Variants in MSANTD2 observed in about 807,000 individuals in gnomAD.
The protein encoded by MSANTD2 is myb/SANT-like DNA-binding domain-containing protein 2.
In MSANTD2, 19 loss-of-function variants were observed where a neutral mutation model predicts 52.6. The ratio of observed to expected loss-of-function variants is 0.36; its 90% CI spans 0.25 to 0.53. The LOEUF is 0.53. Among genes scored for constraint, MSANTD2 ranks in the 20% least tolerant of loss-of-function variants. The pLI is 0.91. For synonymous variants in MSANTD2, 291 were observed against 289.7 expected, an observed-to-expected ratio of 1.00 and a Z score of -0.04; for missense variants, 558 against 716.3, an observed-to-expected ratio of 0.78 and a Z score of 2.52.
chr11:124,798,321 G>A (rs1282703962), intron 1 of MSANTD2, among the ~76,000 whole-genome samples: 2 of 151,082 alleles, frequency 1.3e-5, no homozygotes, highest in Non-Finnish European at 2.9e-5. Flanking sequence ...AGGATTGTTT[G>A]AGCCCAGGAG....
At chr11:124,790,119 C>T (rs1396014779) in intron 1 of MSANTD2, 1 of 152,200 alleles carries the variant, frequency 6.6e-6, no homozygotes, top group Non-Finnish European at 1.5e-5. Flanking sequence ...ACTAGGAGCA[C>T]AAATCTAGGT....
chr11:124,784,643 G>A (rs1017387699), intron 1 of MSANTD2: 16 of 984,546 alleles, frequency 1.6e-5, no homozygotes, highest in African/African-American at 1.2e-4. Context: ...TATTCCTTTC[G>A]TCTGTTGACC....
In MSANTD2 at chr11:124,767,566, A is replaced by G. The variant is rs373756288; in HGVS notation, c.1290T>C (p.Cys430=). Residue 430 remains cysteine, a synonymous_variant, in exon 4 of 4, where the codon TGT becomes TGC. Coordinates refer to ENST00000374979, the MANE Select transcript of MSANTD2 (RefSeq NM_001308027.2). This position sits in a 1 kb window ranked among gnomAD's most constrained non-coding sequence, Gnocchi z 6.5. ...TGTGTGGTGAGAGGGGCCTCTCAAT[A>G]CATTCTTCATAGCCAATGGCATAAA... ...PGLYAIGYEE[C]IERPLSPHME... is the part of the protein sequence containing the mutation. The G allele has an allele frequency of 1.9e-6, 3 of 1,614,014 alleles. No individual in the cohort carries two copies. The African/African-American group carries it at 4.0e-5, about 22-fold the overall frequency.
chr11:124,795,493 G>A (rs1247066027), intron 1 of MSANTD2, among the ~76,000 whole-genome samples: 1 of 152,136 alleles, frequency 6.6e-6, no homozygotes, highest in African/African-American at 2.4e-5. Flanking sequence ...TATGGCCAGC[G>A]ATGAGACTGG....
chr11:124,772,193 G>A (rs1447571012), intron 3 of MSANTD2, among the ~76,000 whole-genome samples: 2 of 152,264 alleles, frequency 1.3e-5, no homozygotes, highest in Non-Finnish European at 2.9e-5. Flanking sequence ...GGTCATCTAA[G>A]AGCTTTCTTT....
chr11:124,767,075 G>T lies in MSANTD2; in HGVS notation c.*101C>A. On this transcript the variant is annotated 3_prime_UTR_variant, in exon 4 of 4. Transcript: ENST00000374979. The surrounding 1 kb of genome is among the most constrained non-coding windows in gnomAD (Gnocchi z 6.5). ...GCCCAATTGAAGAAAGGGTTTCCATGAAGAGTCTGACGGCGGCATCTGGAT... is the reference window on the plus strand; with the variant it reads ...GCCCAATTGAAGAAAGGGTTTCCATTAAGAGTCTGACGGCGGCATCTGGAT... 8.3e-7 allele frequency: 1 copy of T among 1,200,112 alleles called. No homozygotes were observed. The highest frequency in any genetic ancestry group is 1.2e-6 in the Non-Finnish European group (1 of 852,644). 74.3% of individuals were successfully genotyped at this position (1,200,112 alleles called of 1,614,324 possible). A position where few individuals can be genotyped will look rare whatever the true frequency, so the allele number is the denominator to read the frequency against.
intron 1 of MSANTD2, among the ~76,000 whole-genome samples, chr11:124,785,310 T>C (rs1047547600): frequency 1.3e-5 from 2 of 152,218 alleles, no homozygotes; most frequent in African/African-American, 4.8e-5. Context: ...TACATGATCA[T>C]TCCTACTTAA....
intron 1 of MSANTD2, chr11:124,775,473 G>A (rs1034562270): frequency 1.3e-5 from 2 of 154,176 alleles, no homozygotes; most frequent in African/African-American, 4.8e-5. Flanking sequence ...AAAAATAATT[G>A]CCTAGACAAA....
rs184184304 is a variant in MSANTD2, at chr11:124,779,652, T to C, written c.511-4678A>G. Among the ~76,000 whole-genome samples the C allele has an allele frequency of 3.9e-5, 6 of 152,312 alleles. No homozygotes were observed. Among genetic ancestry groups the C allele is most frequent in the East Asian group, 3.9e-4 (2 of 5,180 alleles). On this transcript the variant is annotated intron_variant, in intron 1 of 3. Transcript: ENST00000374979. The surrounding 1 kb of genome is among the most constrained non-coding windows in gnomAD (Gnocchi z 4.6). ...TGCAAGGAGGACAGCTTAGTTATAATAGCAGGAAACAATGTTACAAGAAAA... is the reference window on the plus strand; with the variant it reads ...TGCAAGGAGGACAGCTTAGTTATAACAGCAGGAAACAATGTTACAAGAAAA...
rs915113949 is a variant in MSANTD2, at chr11:124,779,859, C to T, written c.511-4885G>A. 2.0e-5 allele frequency among the ~76,000 whole-genome samples: 3 copies of T among 152,096 alleles called. No homozygotes were observed. Among genetic ancestry groups the T allele is most frequent in the Non-Finnish European group, 4.4e-5 (3 of 68,016 alleles). ...CTTAAAAATCACATATTGTGCTCCA[C>T]GAGAGATGAAGAAATTACATTGGGA... On this transcript the variant is annotated intron_variant, in intron 1 of 3. Coordinates refer to ENST00000374979, the MANE Select transcript of MSANTD2 (RefSeq NM_001308027.2). The surrounding 1 kb of genome is among the most constrained non-coding windows in gnomAD (Gnocchi z 4.6).
chr11:124,785,273 G>A (rs1173122896), intron 1 of MSANTD2, among the ~76,000 whole-genome samples: 2 of 152,218 alleles, frequency 1.3e-5, no homozygotes, highest in African/African-American at 4.8e-5. Context: ...AGTGCCAACT[G>A]AGTGCTGAGA....
In MSANTD2 at chr11:124,800,139, G is replaced by A. The variant is rs752806139; in HGVS notation, c.242C>T (p.Ser81Phe). 9.5e-5 allele frequency: 141 copies of A among 1,479,528 alleles called. No individual in the cohort carries two copies. The highest frequency in any genetic ancestry group is 1.2e-4 in the Non-Finnish European group (134 of 1,123,758). 91.7% of individuals were successfully genotyped at this position (1,479,528 alleles called of 1,614,324 possible). Residue 81 changes from serine to phenylalanine, a missense_variant, in exon 1 of 4, where the codon TCC (serine) becomes TTC (phenylalanine). Coordinates refer to ENST00000374979, the MANE Select transcript of MSANTD2 (RefSeq NM_001308027.2). The surrounding 1 kb of genome is among the most constrained non-coding windows in gnomAD (Gnocchi z 4.3). ...GCCACCGCCGCCACCAGGGGAGAAG[G>A]AGACCGAGGACGAGGCGGCGCTGCG... ...GGRSAASSSVSFSPGGGGGGA... is the reference protein window; with the variant it reads ...GGRSAASSSVFFSPGGGGGGA...
intron 1 of MSANTD2, among the ~76,000 whole-genome samples, chr11:124,785,125 A>G (rs1945116119): frequency 6.6e-6 from 1 of 152,222 alleles, no homozygotes; most frequent in Non-Finnish European, 1.5e-5. Context: ...TTTATATTCT[A>G]TTCTTAGCTT....
chr11:124,788,839 A>C (rs1279939850), intron 1 of MSANTD2, among the ~76,000 whole-genome samples: 1 of 152,246 alleles, frequency 6.6e-6, no homozygotes, highest in Non-Finnish European at 1.5e-5. Flanking sequence ...ATAGCAAATG[A>C]ATTTCTTTCA....
chr11:124,769,672 C>T (rs949777149), intron 3 of MSANTD2, among the ~76,000 whole-genome samples: 10 of 152,152 alleles, frequency 6.6e-5, no homozygotes, highest in African/African-American at 1.9e-4. Context: ...ACTTGAGAAA[C>T]GTGTGTTGAA....
chr11:124,789,291 C>T (rs1945259261), intron 1 of MSANTD2: 1 of 151,988 alleles, frequency 6.6e-6, no homozygotes, highest in Non-Finnish European at 1.5e-5. Flanking sequence ...CAATTACAAA[C>T]ATAATTGGTT....
intron 1 of MSANTD2, chr11:124,791,211 G>A: frequency 1.6e-6 from 2 of 1,281,738 alleles, no homozygotes; most frequent in Non-Finnish European, 2.3e-6. Flanking sequence ...GGGACATTTG[G>A]AGAATGCCAT....
rs534171680 is a variant in MSANTD2, at chr11:124,774,743, C to T, written c.742G>A (p.Gly248Ser). 12 of 1,614,014 alleles carry T rather than the reference C, an allele frequency of 7.4e-6. No homozygotes were observed. Among genetic ancestry groups the T allele is most frequent in the Non-Finnish European group, 1.0e-5 (12 of 1,180,024 alleles). ...DWGNHSQDLH[G>S]YPTDQELDEI... ...CCCAATTCCTGATCTGTTGGATAGCCATGGAGATCCTGACTGTGGTTTCCC... is the reference window on the plus strand; with the variant it reads ...CCCAATTCCTGATCTGTTGGATAGCTATGGAGATCCTGACTGTGGTTTCCC... The change falls in exon 2 of 4, where the codon GGC (glycine) becomes AGC (serine). Residue 248 changes from glycine (G) to serine (S), a missense_variant. Physicochemically the swap from Gly to Ser is moderately conservative, Grantham distance 56. Coordinates refer to ENST00000374979, the MANE Select transcript of MSANTD2 (RefSeq NM_001308027.2). The surrounding 1 kb of genome is among the most constrained non-coding windows in gnomAD (Gnocchi z 5.1).
chr11:124,780,690 T>C (rs1944928419), intron 1 of MSANTD2, among the ~76,000 whole-genome samples: 1 of 152,162 alleles, frequency 6.6e-6, no homozygotes, highest in Non-Finnish European at 1.5e-5. Context: ...AAATATAACA[T>C]ACATTAGTTT....
Sources: gnomAD v4.1 joint callset for allele counts (sites outside exome capture counted in the v4.1 genomes callset) on GRCh38, gnomAD v4.1.1 for gene constraint, Gnocchi (gnomAD v3.1) non-coding constraint, MANE v1.5 for transcripts, NCBI Gene and HGNC (gene_info 2026-07-23, HGNC 2026-07-21) for gene names.